Variants in SMARCA4 observed in about 807,000 individuals in gnomAD.
SMARCA4 encodes SWI/SNF related BAF chromatin remodeling complex subunit ATPase 4.
A neutral mutation model predicts 193.9 loss-of-function variants in SMARCA4; 31 were observed. That is an observed-to-expected ratio of 0.16 (90% CI 0.12 to 0.22). The LOEUF (loss-of-function observed/expected upper bound fraction) is 0.22, where lower values mean the gene tolerates loss of function less well. SMARCA4 is among the 10% of genes least tolerant of loss of function. The pLI, the probability that SMARCA4 is intolerant of heterozygous loss-of-function variation, is 1.00. For missense variants in SMARCA4, 1,148 were observed against 2,296.0 expected (o/e 0.50, Z 10.22); for synonymous variants, 942 against 933.1 (o/e 1.01, Z -0.17).
rs922339070 is a variant in SMARCA4 at position 10,976,280 on chromosome 19, G to A, written c.-31-7841G>A. The stretch of plus-strand genomic sequence containing the variant: ...CTGGCCGTGCTCGTTTGGCCTTCCC[G>A]TGTAGACATCTCGCCGGAGCAAGGT... On this transcript the variant is annotated intron_variant, in intron 1 of 34. Transcript: ENST00000344626. 3.9e-5 allele frequency among the ~76,000 whole-genome samples: 6 copies of A among 152,128 alleles called. 1 individual carries two copies. In the South Asian group the frequency reaches 6.2e-4, roughly 16 times the overall value.
rs116277946 is a variant in SMARCA4, at chr19:11,017,243, G to A, written c.2439-1714G>A. On this transcript the variant is annotated intron_variant, in intron 16 of 34. Coordinates refer to ENST00000344626, the MANE Select transcript of SMARCA4 (RefSeq NM_003072.5). Reference sequence around the variant, plus strand: ...GACAACAGTTTCAGAGTAGTGAGCCGGTACCTCCGGGAAGCATCTTGAGCC... The same window carrying A: ...GACAACAGTTTCAGAGTAGTGAGCCAGTACCTCCGGGAAGCATCTTGAGCC... Among the ~76,000 whole-genome samples, 1,326 of 152,292 alleles carry A rather than the reference G, an allele frequency of 8.7e-3. 20 individuals are homozygous for A. The highest frequency in any genetic ancestry group is 0.031 in the African/African-American group (1,270 of 41,554).
chr19:10,987,553 T>C lies in SMARCA4; in HGVS notation c.860-113T>C. ...ACACCCCTGGGTGAAAGGTGGGAGA[T>C]GGGCGGGGTCTGCCTGTCCCCAGTG... On this transcript the variant is annotated intron_variant, in intron 5 of 34. Coordinates refer to ENST00000344626, the MANE Select transcript of SMARCA4 (RefSeq NM_003072.5). This position sits in a 1 kb window ranked among gnomAD's most constrained non-coding sequence, Gnocchi z 5.3. The C allele has an allele frequency of 8.2e-7, 1 of 1,223,718 alleles. No individual in the cohort carries two copies. Among genetic ancestry groups the C allele is most frequent in the Non-Finnish European group, 1.2e-6 (1 of 838,702 alleles). 75.8% of individuals were successfully genotyped at this position (1,223,718 alleles called of 1,614,324 possible).
chr19:11,013,831 C>G (rs1246182511), intron 16 of SMARCA4, among the ~76,000 whole-genome samples: 1 of 152,160 alleles, frequency 6.6e-6, no homozygotes, highest in Non-Finnish European at 1.5e-5. Flanking sequence ...GGTCCTTGGG[C>G]ATGGTGGGAT....
At chr19:10,998,081 G>A (rs2087254248) in intron 11 of SMARCA4, among the ~76,000 whole-genome samples, 1 of 151,462 alleles carries the variant, frequency 6.6e-6, no homozygotes, top group Admixed American at 6.6e-5. Flanking sequence ...GCAGAGATGG[G>A]GTCTCATGTT....
intron 30 of SMARCA4, among the ~76,000 whole-genome samples, chr19:11,048,781 C>T (rs143260577): frequency 2.0e-5 from 3 of 152,332 alleles, no homozygotes; most frequent in Admixed American, 1.3e-4. Context: ...CCCCCTAGTT[C>T]GTGTTTTATT....
rs1257518561 is a variant in SMARCA4, at chr19:10,996,506, G to A, written c.1774G>A (p.Ala592Thr). 5.0e-6 allele frequency: 8 copies of A among 1,614,140 alleles called. No homozygotes were observed. In the African/African-American group the frequency reaches 1.1e-4, roughly 22 times the overall value. Residue 592 changes from alanine to threonine, a missense_variant, in exon 11 of 35, where the codon GCA becomes ACA. Ala to Thr is a moderately conservative substitution (Grantham distance 58, BLOSUM62 0). Around this residue, in one of 17 missense-constraint regions of SMARCA4, gnomAD observed 115 missense variants for 175.1 expected, o/e 0.66. Coordinates refer to ENST00000344626, the MANE Select transcript of SMARCA4 (RefSeq NM_003072.5). The part of the protein sequence containing the change: ...KKKKKKKAEN[A>T]EGQTPAIGPD... Reference sequence around the variant, plus strand: ...TCTCTATTTCCAGAAGGCAGAAAATGCAGAAGGACAGACGCCTGCCATTGG... The same window carrying A: ...TCTCTATTTCCAGAAGGCAGAAAATACAGAAGGACAGACGCCTGCCATTGG...
At chr19:11,012,766 A>G (rs1225266576) in intron 15 of SMARCA4, 183 bp from the exon 16 acceptor site, 1 of 669,312 alleles carries the variant, frequency 1.5e-6, no homozygotes, top group Non-Finnish European at 2.7e-6. Flanking sequence ...ATTGCTAAGG[A>G]TGAGGCTAAG....
intron 1 of SMARCA4, among the ~76,000 whole-genome samples, chr19:10,982,876 C>T (rs1056473484): frequency 2.0e-5 from 3 of 152,092 alleles, no homozygotes; most frequent in Admixed American, 1.3e-4. Flanking sequence ...TCCTTAGAAC[C>T]AGAAATATGC....
At chr19:11,052,270 A>G (rs2076303659) in intron 30 of SMARCA4, among the ~76,000 whole-genome samples, 2 of 152,220 alleles carry the variant, frequency 1.3e-5, no homozygotes, top group South Asian at 4.1e-4. Flanking sequence ...TAGATCAAAG[A>G]ATAGAAAGGT....
chr19:11,008,140 A>G (rs937830644), intron 14 of SMARCA4, 117 bp downstream of exon 14: 3 of 1,054,636 alleles, frequency 2.8e-6, no homozygotes, highest in South Asian at 1.3e-5. Flanking sequence ...GCCAGCTGCT[A>G]CTGTGGAACT....
At chr19:11,010,956 G>A in intron 15 of SMARCA4, 1 of 264,552 alleles carries the variant, frequency 3.8e-6, no homozygotes, top group Non-Finnish European at 7.6e-6. Context: ...GGTGTGAAAC[G>A]GCGAGCGTCA....
intron 30 of SMARCA4, among the ~76,000 whole-genome samples, chr19:11,042,432 C>T (rs2075672848): frequency 6.6e-6 from 1 of 152,260 alleles, no homozygotes; most frequent in Non-Finnish European, 1.5e-5. Context: ...TGGCCCAGGA[C>T]TCACCCAGTC....
intron 1 of SMARCA4, among the ~76,000 whole-genome samples, chr19:10,974,283 C>T (rs1253640187): frequency 5.3e-5 from 8 of 152,070 alleles, no homozygotes; most frequent in African/African-American, 1.9e-4. Flanking sequence ...CAGTCTCCTT[C>T]CACATTTGAA....
intron 34 of SMARCA4, among the ~76,000 whole-genome samples, chr19:11,061,203 AAATATATATATATATATAT>A (rs2076860743): frequency 4.2e-5 from 2 of 47,450 alleles, no homozygotes; most frequent in Admixed American, 2.7e-4. Flanking sequence ...AAAAAAAAAA[AAATATATATATATATATAT>A]ATATATATAT....
chr19:11,057,881 TC>T (rs1202148265), intron 30 of SMARCA4, among the ~76,000 whole-genome samples: 1 of 151,814 alleles, frequency 6.6e-6, no homozygotes, highest in Non-Finnish European at 1.5e-5. Context: ...GGCGGGCTGA[TC>T]ACCTGAGGTC....
At chr19:11,001,818 C>T (rs2087667641) in intron 11 of SMARCA4, among the ~76,000 whole-genome samples, 1 of 152,150 alleles carries the variant, frequency 6.6e-6, no homozygotes, top group Non-Finnish European at 1.5e-5. Flanking sequence ...TTTCTCCATC[C>T]TGGAAGTTTT....
rs1207692863 is a variant in SMARCA4 at position 10,964,643 on chromosome 19, A to G, written c.-32+3469A>G. ...TCTTTTTTTTTTTTTCTTATGAGAC[A>G]GAGTCATTCTGTCGCCCAGGCTGGA... is the stretch of plus-strand genomic sequence containing the variant. On this transcript the variant is annotated intron_variant, in intron 1 of 34. Transcript: ENST00000344626. Among the ~76,000 whole-genome samples, 3 of 149,506 alleles carry G rather than the reference A, an allele frequency of 2.0e-5. No homozygotes were observed. The East Asian group carries it at 5.8e-4, about 29-fold the overall frequency.
At chr19:10,972,070 C>G (rs896351116) in intron 1 of SMARCA4, among the ~76,000 whole-genome samples, 1 of 151,854 alleles carries the variant, frequency 6.6e-6, no homozygotes, top group African/African-American at 2.4e-5. Context: ...ATTCTCCTGT[C>G]CCAGCCCCCA....
rs765139835 is a variant in SMARCA4 at position 10,996,361 on chromosome 19, A to G, written c.1742A>G (p.Lys581Arg). ...GCTGCCCAGGTCGCCAAGGAGAAAA[A>G]GAAGAAAAAGAAAAAGAAGGTGTGC... The part of the protein sequence containing the change: ...HKAAQVAKEK[K>R]KKKKKKKAEN... Residue 581 changes from lysine (K) to arginine (R), a missense_variant, in exon 10 of 35, where the codon AAG (lysine) becomes AGG (arginine). Lys to Arg is a conservative substitution (Grantham distance 26). Around this residue, in one of 17 missense-constraint regions of SMARCA4, gnomAD observed 115 missense variants for 175.1 expected, o/e 0.66. Transcript: ENST00000344626. 6.8e-6 allele frequency: 11 copies of G among 1,614,098 alleles called. No homozygotes were observed. Among genetic ancestry groups the G allele is most frequent in the Non-Finnish European group, 9.3e-6 (11 of 1,180,042 alleles).
Sources: gnomAD v4.1 joint callset for allele counts (sites outside exome capture counted in the v4.1 genomes callset) on GRCh38, gnomAD v4.1.1 for gene constraint, gnomAD v4.1.1 regional missense constraint, Gnocchi (gnomAD v3.1) non-coding constraint, MANE v1.5 for transcripts, NCBI Gene and HGNC (gene_info 2026-07-23, HGNC 2026-07-21) for gene names.